CNKSR3: variants seen among roughly 807,000 people sequenced by gnomAD.
CNKSR3 encodes CNKSR family member 3.
Under a neutral mutation model 67.7 loss-of-function variants are expected in CNKSR3, and 36 were observed. The ratio of observed to expected loss-of-function variants is 0.53; its 90% CI spans 0.41 to 0.70. The LOEUF (loss-of-function observed/expected upper bound fraction) is 0.70. Ranked by LOEUF, CNKSR3 falls within the 30% of genes least tolerant of loss-of-function variation. The probability of loss-of-function intolerance (pLI) is 0.00; values close to 1 mark genes in which losing one functional copy is unlikely to be tolerated. For synonymous variants in CNKSR3, 281 were observed against 271.4 expected, an observed-to-expected ratio of 1.04 and a Z score of -0.35; for missense variants, 630 against 695.2, an observed-to-expected ratio of 0.91 and a Z score of 1.05.
chr6:154,390,966 A>G lies in CNKSR3; in HGVS notation c.*15388T>C, dbSNP rs1437799813. Reference sequence around the variant, plus strand: ...CAGGCACATGCCACCACGCCCAGCTAATTTTTATATTTTTAGTAGAGAGAG... The same window carrying G: ...CAGGCACATGCCACCACGCCCAGCTGATTTTTATATTTTTAGTAGAGAGAG... On this transcript the variant is annotated 3_prime_UTR_variant, in exon 13 of 13. Transcript: ENST00000607772. 6.6e-6 allele frequency: 1 copy of G among 151,772 alleles called. No individual in the cohort carries two copies. Among genetic ancestry groups the G allele is most frequent in the African/African-American group, 2.4e-5 (1 of 41,292 alleles). The allele number at this position is 151,772 out of a possible 1,614,324, so 9.4% of individuals were successfully genotyped here.
chr6:154,509,704 C>A lies in CNKSR3; in HGVS notation c.52+359G>T, dbSNP rs554705904. 2.0e-5 allele frequency among the ~76,000 whole-genome samples: 3 copies of A among 152,278 alleles called. No homozygotes were observed. The East Asian group carries it at 5.8e-4, about 30-fold the overall frequency. On this transcript the variant is annotated intron_variant, in intron 1 of 12. Coordinates refer to ENST00000607772, the MANE Select transcript of CNKSR3 (RefSeq NM_173515.4). ...GGCACCTTGTGCCTCTGCACTCGGG[C>A]CCCCGGGTCGCCGGGCACCGCACCG...
intron 5 of CNKSR3, among the ~76,000 whole-genome samples, chr6:154,433,245 A>C (rs1785405515): frequency 6.6e-6 from 1 of 152,232 alleles, no homozygotes; most frequent in Non-Finnish European, 1.5e-5. Flanking sequence ...AATAAAACAG[A>C]GACTCGATGT....
chr6:154,407,734 G>T (rs923803096), intron 12 of CNKSR3, among the ~76,000 whole-genome samples: 7 of 152,018 alleles, frequency 4.6e-5, no homozygotes, highest in Non-Finnish European at 1.0e-4. Context: ...TTAGAGGCAT[G>T]AGCCACCACA....
intron 4 of CNKSR3, among the ~76,000 whole-genome samples, chr6:154,439,719 C>T (rs779105939): frequency 1.3e-5 from 2 of 152,056 alleles, no homozygotes; most frequent in Non-Finnish European, 2.9e-5. Flanking sequence ...TAGCAAGACC[C>T]TGTCTCTACA....
intron 4 of CNKSR3, among the ~76,000 whole-genome samples, chr6:154,434,568 T>TC (rs1785432140): frequency 1.3e-5 from 2 of 152,228 alleles, no homozygotes; most frequent in Admixed American, 1.3e-4. Context: ...GATTTAATAA[T>TC]CAGACTTTTA....
chr6:154,462,588 G>A (rs1437289935), intron 1 of CNKSR3, among the ~76,000 whole-genome samples: 1 of 152,108 alleles, frequency 6.6e-6, no homozygotes, highest in Non-Finnish European at 1.5e-5. Flanking sequence ...CTTCCTGAAG[G>A]CATCTCCATC....
chr6:154,399,257 A>G lies in CNKSR3; in HGVS notation c.*7097T>C, dbSNP rs920278071. On this transcript the variant is annotated 3_prime_UTR_variant, in exon 13 of 13. Coordinates refer to ENST00000607772, the MANE Select transcript of CNKSR3 (RefSeq NM_173515.4). Reference sequence around the variant, plus strand: ...TTATTTTGCTGCTTATGGACAAAAGAATGAGCAATTTCCTGTTGGCCAGCT... The same window carrying G: ...TTATTTTGCTGCTTATGGACAAAAGGATGAGCAATTTCCTGTTGGCCAGCT... 2 of 152,182 alleles carry G rather than the reference A, an allele frequency of 1.3e-5. No homozygotes were observed. The highest frequency in any genetic ancestry group is 2.9e-5 in the Non-Finnish European group (2 of 68,046). 9.4% of individuals were successfully genotyped at this position (152,182 alleles called of 1,614,324 possible).
intron 1 of CNKSR3, among the ~76,000 whole-genome samples, chr6:154,469,012 C>G (rs1297682817): frequency 6.6e-6 from 1 of 152,100 alleles, no homozygotes; most frequent in African/African-American, 2.4e-5. Flanking sequence ...CAGAGCAAGG[C>G]CTCATCTCTA....
intron 4 of CNKSR3, among the ~76,000 whole-genome samples, chr6:154,438,460 T>G (rs1371056701): frequency 2.6e-5 from 4 of 152,160 alleles, no homozygotes; most frequent in Non-Finnish European, 5.9e-5. Flanking sequence ...TTTTTTGCCT[T>G]TTTTCTTTTT....
chr6:154,431,308 G>A (rs142921446), intron 5 of CNKSR3, among the ~76,000 whole-genome samples: 13 of 152,070 alleles, frequency 8.5e-5, no homozygotes, highest in African/African-American at 3.1e-4. Flanking sequence ...GACGGGCATG[G>A]TGGCGTGTGC....
At position 154,394,470 on chromosome 6, in the gene CNKSR3, G is replaced by A. The variant is rs1490441557; in HGVS notation, c.*11884C>T. ...CACCAGGAGCAACCCAAGTCCCTGA[G>A]TCACTAGCTAGAGGACAGCCACAGA... On this transcript the variant is annotated 3_prime_UTR_variant, in exon 13 of 13. Coordinates refer to ENST00000607772, the MANE Select transcript of CNKSR3 (RefSeq NM_173515.4). The A allele has an allele frequency of 6.6e-6, 1 of 152,122 alleles. No individual in the cohort carries two copies. Among genetic ancestry groups the A allele is most frequent in the Admixed American group, 6.6e-5 (1 of 15,258 alleles). 9.4% of individuals were successfully genotyped at this position (152,122 alleles called of 1,614,324 possible).
In CNKSR3 at chr6:154,393,690, C is replaced by T. The variant is rs1306079206; in HGVS notation, c.*12664G>A. The T allele has an allele frequency of 6.6e-6, 1 of 152,154 alleles. No homozygotes were observed. The highest frequency in any genetic ancestry group is 6.5e-5 in the Admixed American group (1 of 15,278). 9.4% of individuals were successfully genotyped at this position (152,154 alleles called of 1,614,324 possible). A position where few individuals can be genotyped will look rare whatever the true frequency, so the allele number is the denominator to read the frequency against. ...GAATTTATTAGTCTTTTCTTTTGTACTCAGCCCTTTTACTGTCTTCTATAA... is the reference window on the plus strand; with the variant it reads ...GAATTTATTAGTCTTTTCTTTTGTATTCAGCCCTTTTACTGTCTTCTATAA... On this transcript the variant is annotated 3_prime_UTR_variant, in exon 13 of 13. Coordinates refer to ENST00000607772, the MANE Select transcript of CNKSR3 (RefSeq NM_173515.4).
At chr6:154,471,127 T>A (rs1316772525) in intron 1 of CNKSR3, among the ~76,000 whole-genome samples, 2 of 152,256 alleles carry the variant, frequency 1.3e-5, no homozygotes, top group East Asian at 3.8e-4. Flanking sequence ...AGTCATTCAG[T>A]CATTCAAGTA....
chr6:154,448,647 C>G (rs1333028763), intron 2 of CNKSR3, among the ~76,000 whole-genome samples: 1 of 152,078 alleles, frequency 6.6e-6, no homozygotes, highest in Non-Finnish European at 1.5e-5. Context: ...TTCCCAGACC[C>G]GTGCTCAGAC....
chr6:154,492,485 AT>A (rs1786799927), intron 1 of CNKSR3, among the ~76,000 whole-genome samples: 1 of 152,132 alleles, frequency 6.6e-6, no homozygotes, highest in African/African-American at 2.4e-5. Context: ...TAAAAGCCAG[AT>A]CTTCCCAGCA....
chr6:154,415,116 A>AAAAAAC (rs1554231299), intron 9 of CNKSR3, among the ~76,000 whole-genome samples: 97 of 144,454 alleles, frequency 6.7e-4, no homozygotes, highest in African/African-American at 2.4e-3. Flanking sequence ...AAAAAAAAAA[A>AAAAAAC]AAAAAACAAG....
intron 1 of CNKSR3, among the ~76,000 whole-genome samples, chr6:154,501,334 C>G (rs1351790226): frequency 1.3e-5 from 2 of 152,154 alleles, no homozygotes; most frequent in Admixed American, 6.5e-5. Context: ...TTTCAACACA[C>G]AGATCAAATA....
At chr6:154,468,539 A>G (rs1786258288) in intron 1 of CNKSR3, among the ~76,000 whole-genome samples, 1 of 151,416 alleles carries the variant, frequency 6.6e-6, no homozygotes, top group African/African-American at 2.4e-5. Context: ...GAAATTACCG[A>G]CTCTATTAGG....
At chr6:154,449,661 T>C (rs752652395) in intron 2 of CNKSR3, among the ~76,000 whole-genome samples, 2 of 152,208 alleles carry the variant, frequency 1.3e-5, no homozygotes, top group Non-Finnish European at 2.9e-5. Context: ...ATTTCCATCA[T>C]TTTTTCCTTA....
Sources: allele counts gnomAD v4.1 joint callset (sites outside exome capture counted in the v4.1 genomes callset), GRCh38; gene constraint gnomAD v4.1.1; transcripts MANE v1.5; gene names NCBI Gene and HGNC (gene_info 2026-07-23, HGNC 2026-07-21).